The following CORIN variants were observed in gnomAD, a reference collection of about 807,000 sequenced individuals.
CORIN encodes the protein atrial natriuretic peptide-converting enzyme.
Under a neutral mutation model 125.3 loss-of-function variants are expected in CORIN, and 117 were observed. The ratio of observed to expected loss-of-function variants is 0.93; its 90% CI spans 0.80 to 1.09. The LOEUF (loss-of-function observed/expected upper bound fraction) is 1.09. Ranked by LOEUF, CORIN falls within the 50% of genes least tolerant of loss-of-function variation. The probability of loss-of-function intolerance (pLI) is 0.00; values close to 1 mark genes in which losing one functional copy is unlikely to be tolerated. For synonymous variants in CORIN, 450 were observed against 466.4 expected (o/e 0.96, Z 0.45); for missense variants, 1,253 against 1,306.7 (o/e 0.96, Z 0.63).
intron 3 of CORIN, among the ~76,000 whole-genome samples, chr4:47,768,873 A>G (rs570325372): frequency 9.8e-5 from 15 of 152,354 alleles, no homozygotes; most frequent in African/African-American, 3.4e-4. Context: ...AACATATGCA[A>G]TGGGAAAAGA....
intron 7 of CORIN, chr4:47,683,360 A>G (rs1725371165): frequency 5.4e-6 from 1 of 184,536 alleles, no homozygotes; most frequent in African/African-American, 2.4e-5. Flanking sequence ...GGAATCAGGC[A>G]CAGACAATAT....
intron 19 of CORIN, among the ~76,000 whole-genome samples, chr4:47,617,719 A>G (rs541289856): frequency 6.6e-6 from 1 of 152,320 alleles, no homozygotes; most frequent in South Asian, 2.1e-4. Context: ...AGAAAGACAA[A>G]TTGTGAGTGA....
intron 5 of CORIN, among the ~76,000 whole-genome samples, chr4:47,718,581 A>G (rs1356695524): frequency 6.6e-6 from 1 of 152,236 alleles, no homozygotes; most frequent in Non-Finnish European, 1.5e-5. Flanking sequence ...TTGTCATTGT[A>G]ACCTAACGTG....
At chr4:47,698,722 C>T (rs1726150466) in intron 5 of CORIN, among the ~76,000 whole-genome samples, 1 of 152,048 alleles carries the variant, frequency 6.6e-6, no homozygotes, top group South Asian at 2.1e-4. Flanking sequence ...TGTGGAGGTA[C>T]TGAGACATGA....
chr4:47,598,482 C>T (rs1560466452), intron 21 of CORIN, among the ~76,000 whole-genome samples: 1 of 152,230 alleles, frequency 6.6e-6, no homozygotes, highest in East Asian at 1.9e-4. Flanking sequence ...TAAGAACATG[C>T]CCATGCCTGT....
intron 10 of CORIN, among the ~76,000 whole-genome samples, chr4:47,667,395 C>A (rs1226393900): frequency 6.6e-6 from 1 of 152,196 alleles, no homozygotes; most frequent in Non-Finnish European, 1.5e-5. Context: ...TCTCTGTTTG[C>A]AGTAGATATG....
At chr4:47,741,860 T>A (rs1448049698) in intron 5 of CORIN, among the ~76,000 whole-genome samples, 1 of 151,980 alleles carries the variant, frequency 6.6e-6, no homozygotes. Context: ...AATAGTCATG[T>A]TTATAGAAAC....
At chr4:47,674,354 CCTGACATGG>C in intron 10 of CORIN, 30 bp downstream of exon 10, 10 of 1,337,188 alleles carry the variant, frequency 7.5e-6, no homozygotes, top group Non-Finnish European at 1.1e-5. Context: ...GAATGCATGC[CCTGACATGG>C]CTATTGCATT....
chr4:47,737,838 G>C (rs977158603), intron 5 of CORIN, among the ~76,000 whole-genome samples: 2 of 152,088 alleles, frequency 1.3e-5, no homozygotes, highest in Admixed American at 6.5e-5. Flanking sequence ...GCCACTAGAA[G>C]GGGCAAAACA....
At chr4:47,787,070 T>A in intron 2 of CORIN, 145 bp from the exon 3 acceptor site, 1 of 640,846 alleles carries the variant, frequency 1.6e-6, no homozygotes, top group Non-Finnish European at 2.7e-6. Context: ...ATGAAAGCCG[T>A]AATAGTGACC....
chr4:47,757,945 A>T lies in CORIN; in HGVS notation c.617+5434T>A, dbSNP rs1729260100. On this transcript the variant is annotated intron_variant, in intron 4 of 21. Transcript: ENST00000273857. ...ATATATATATTTGAGACAGAGTCTC[A>T]CTCCATCGTCCAGGCTGAAGTGCAG... is the stretch of plus-strand genomic sequence containing the variant. Among the ~76,000 whole-genome samples, 3 of 146,482 alleles carry T rather than the reference A, an allele frequency of 2.0e-5. No homozygotes were observed. The South Asian group carries it at 6.4e-4, about 31-fold the overall frequency.
In CORIN at chr4:47,603,634, C is replaced by T. The variant is rs1433738250; in HGVS notation, c.2575G>A (p.Gly859Ser). 3 of 1,613,900 alleles carry T rather than the reference C, an allele frequency of 1.9e-6. No individual in the cohort carries two copies. Among genetic ancestry groups the T allele is most frequent in the Non-Finnish European group, 2.5e-6 (3 of 1,179,922 alleles). The change falls in exon 20 of 22, where the codon GGC becomes AGC. Residue 859 changes from glycine (G) to serine (S), a missense_variant. By Grantham distance (56) the Gly-to-Ser change is moderately conservative. Transcript: ENST00000273857. ...ENAAVWKVVL[G>S]INNLDHPSVF... ...GATGGATGGTCTAGATTGTTGATGC[C>T]AAGCACCACTTTCCAAACTGCAGCA...
At chr4:47,717,715 A>G (rs528088393) in intron 5 of CORIN, among the ~76,000 whole-genome samples, 4 of 152,322 alleles carry the variant, frequency 2.6e-5, no homozygotes, top group African/African-American at 7.2e-5. Flanking sequence ...TTCATGTTCA[A>G]TCTGTTAGAC....
intron 19 of CORIN, among the ~76,000 whole-genome samples, chr4:47,621,154 C>T (rs1219679328): frequency 6.6e-6 from 1 of 152,160 alleles, no homozygotes; most frequent in Non-Finnish European, 1.5e-5. Flanking sequence ...GTCTGTGTTT[C>T]TTCCCTTTGA....
chr4:47,612,684 A>C (rs1263248522), intron 19 of CORIN, among the ~76,000 whole-genome samples: 2 of 152,210 alleles, frequency 1.3e-5, no homozygotes, highest in Non-Finnish European at 2.9e-5. Flanking sequence ...TGAACCTGCT[A>C]CACCACATCC....
intron 15 of CORIN, among the ~76,000 whole-genome samples, chr4:47,642,288 G>T (rs1470412701): frequency 1.3e-5 from 2 of 152,202 alleles, no homozygotes; most frequent in African/African-American, 2.4e-5. Flanking sequence ...GAAAGAGACA[G>T]GCAGTTCTTA....
intron 4 of CORIN, among the ~76,000 whole-genome samples, chr4:47,763,141 C>T (rs1577901364): frequency 6.6e-6 from 1 of 152,160 alleles, no homozygotes; most frequent in South Asian, 2.1e-4. Context: ...CTCACTAGAA[C>T]AGCTATTATG....
intron 6 of CORIN, among the ~76,000 whole-genome samples, chr4:47,689,204 C>A (rs10014636): frequency 6.6e-6 from 1 of 152,108 alleles, no homozygotes; most frequent in Non-Finnish European, 1.5e-5. Flanking sequence ...ACAACAGTCA[C>A]GACCGCAAAT....
At chr4:47,786,564 A>G (rs1040139646) in intron 3 of CORIN, among the ~76,000 whole-genome samples, 161 bp downstream of exon 3, 6 of 151,650 alleles carry the variant, frequency 4.0e-5, no homozygotes, top group African/African-American at 7.3e-5. Context: ...AACAACAACA[A>G]CAAACAAAAT....
Sources: allele counts gnomAD v4.1 joint callset (sites outside exome capture counted in the v4.1 genomes callset), GRCh38; gene constraint gnomAD v4.1.1; transcripts MANE v1.5; gene names NCBI Gene and HGNC (gene_info 2026-07-23, HGNC 2026-07-21).